The following TRABD2B variants were observed in gnomAD, a reference collection of about 807,000 sequenced individuals.
TRABD2B encodes the protein TraB domain containing 2B.
TRABD2B carries 14 observed loss-of-function variants against 40.1 expected under a neutral mutation model. The ratio of observed to expected loss-of-function variants is 0.35; its 90% CI spans 0.23 to 0.55. The LOEUF (loss-of-function observed/expected upper bound fraction) is 0.55, where lower values mean the gene tolerates loss of function less well. Among genes scored for constraint, TRABD2B ranks in the 20% least tolerant of loss-of-function variants. The pLI, the probability that TRABD2B is intolerant of heterozygous loss-of-function variation, is 0.90. For synonymous variants in TRABD2B, 263 were observed against 277.0 expected (o/e 0.95, Z 0.50); for missense variants, 541 against 648.6 (o/e 0.83, Z 1.80).
intron 4 of TRABD2B, among the ~76,000 whole-genome samples, chr1:47,779,726 C>T (rs1234539666): frequency 1.3e-5 from 2 of 152,118 alleles, no homozygotes; most frequent in African/African-American, 4.8e-5. Context: ...CATGGGCCTG[C>T]CCTGTGGCTG....
intron 2 of TRABD2B, among the ~76,000 whole-genome samples, chr1:47,983,810 T>C (rs548393779): frequency 1.3e-5 from 2 of 151,410 alleles, no homozygotes; most frequent in Admixed American, 1.3e-4. Context: ...GAAGTGTCCT[T>C]GTTGGGGACG....
Position 47,994,099 on chromosome 1 carries a change from T to C in TRABD2B, c.601A>G (p.Thr201Ala). Residue 201 changes from threonine to alanine, a missense_variant, in exon 2 of 7, where the codon ACA becomes GCA. Physicochemically the swap from Thr to Ala is moderately conservative, Grantham distance 58 (BLOSUM62 0). Around this residue, in one of 2 missense-constraint regions of TRABD2B, gnomAD observed 369 missense variants for 492.8 expected, o/e 0.75. Coordinates refer to ENST00000606738, the MANE Select transcript of TRABD2B (RefSeq NM_001194986.2). This position sits in a 1 kb window ranked among gnomAD's most constrained non-coding sequence, Gnocchi z 6.7. ...TCCTCCACCTGCTCCACAGCCCCTGTGGTCTTCTTCATCTTCTCAGCCTGC... is the reference window on the plus strand; with the variant it reads ...TCCTCCACCTGCTCCACAGCCCCTGCGGTCTTCTTCATCTTCTCAGCCTGC... ...AQQAEKMKKT[T>A]GAVEQVEEQC... is the part of the protein sequence containing the mutation. The C allele has an allele frequency of 6.5e-7, 1 of 1,536,268 alleles. No individual in the cohort carries two copies.
chr1:47,922,470 C>A (rs962092931), intron 2 of TRABD2B, among the ~76,000 whole-genome samples: 1 of 152,176 alleles, frequency 6.6e-6, no homozygotes, highest in African/African-American at 2.4e-5. Context: ...TCAGCCCACA[C>A]AGAATCTAGC....
chr1:47,940,671 A>T (rs1645173568), intron 2 of TRABD2B, among the ~76,000 whole-genome samples: 1 of 152,174 alleles, frequency 6.6e-6, no homozygotes, highest in South Asian at 2.1e-4. Flanking sequence ...CTCTGTCCCC[A>T]TCTGCCAGGG....
At position 47,775,394 on chromosome 1, in the gene TRABD2B, C is replaced by T. The variant is rs376755258; in HGVS notation, c.1125G>A (p.Thr375=). 18 of 1,236,366 alleles carry T rather than the reference C, an allele frequency of 1.5e-5. No homozygotes were observed. Among genetic ancestry groups the T allele is most frequent in the East Asian group, 3.2e-5 (1 of 31,730 alleles). The allele number at this position is 1,236,366 out of a possible 1,614,324, so 76.6% of individuals were successfully genotyped here. A position where few individuals can be genotyped will look rare whatever the true frequency, so the allele number is the denominator to read the frequency against. Residue 375 remains threonine (T), a synonymous_variant, in exon 6 of 7, where the codon ACG becomes ACA. Transcript: ENST00000606738. ...SPAPSPEGTS[T]SPAPVTPAAA... is the part of the protein sequence containing the mutation. The stretch of plus-strand genomic sequence containing the variant: ...CAGCTGGGGTCACTGGGGCCGGGCT[C>T]GTCGAGGTCCCCTCAGGAGAGGGCG...
At chr1:47,976,607 A>T (rs1378000254) in intron 2 of TRABD2B, among the ~76,000 whole-genome samples, 1 of 152,228 alleles carries the variant, frequency 6.6e-6, no homozygotes, top group Non-Finnish European at 1.5e-5. Context: ...GACAGGTGCT[A>T]TGGTAGAAAA....
chr1:47,885,119 T>C (rs558899980), intron 2 of TRABD2B, among the ~76,000 whole-genome samples: 1 of 152,282 alleles, frequency 6.6e-6, no homozygotes, highest in East Asian at 1.9e-4. Flanking sequence ...TCTTGCTTCA[T>C]ACTCTAACCC....
intron 2 of TRABD2B, among the ~76,000 whole-genome samples, chr1:47,806,833 T>C (rs890996459): frequency 6.6e-6 from 1 of 152,138 alleles, no homozygotes; most frequent in Non-Finnish European, 1.5e-5. Context: ...GGCCCAGCAA[T>C]GGCACTGAGA....
In TRABD2B at chr1:47,996,067, T is replaced by C. The variant is rs1181563272; in HGVS notation, c.102+621A>G. Reference sequence around the variant, plus strand: ...GTAATTACTCGACCCCAAGAAATATTAGGCCAGTATGTCCTGGCATTGCCT... The same window carrying C: ...GTAATTACTCGACCCCAAGAAATATCAGGCCAGTATGTCCTGGCATTGCCT... On this transcript the variant is annotated intron_variant, in intron 1 of 6. Transcript: ENST00000606738. This position sits in a 1 kb window ranked among gnomAD's most constrained non-coding sequence, Gnocchi z 4.6. 6.6e-6 allele frequency among the ~76,000 whole-genome samples: 1 copy of C among 152,184 alleles called. No homozygotes were observed. Among genetic ancestry groups the C allele is most frequent in the African/African-American group, 2.4e-5 (1 of 41,436 alleles).
chr1:47,804,230 G>A (rs1049607458), intron 2 of TRABD2B, among the ~76,000 whole-genome samples: 8 of 152,312 alleles, frequency 5.3e-5, no homozygotes, highest in Non-Finnish European at 5.9e-5. Flanking sequence ...GGCTCTGGCC[G>A]CCACCATTGA....
intron 2 of TRABD2B, among the ~76,000 whole-genome samples, chr1:47,849,714 GGCT>G (rs768537948): frequency 2.6e-5 from 4 of 152,130 alleles, no homozygotes; most frequent in Non-Finnish European, 5.9e-5. Context: ...CGGTGGGATT[GGCT>G]GCTAAGTGAG....
At chr1:47,801,443 G>C in intron 3 of TRABD2B, 30 bp downstream of exon 3, 1 of 1,530,066 alleles carries the variant, frequency 6.5e-7, no homozygotes, top group Non-Finnish European at 8.8e-7. Flanking sequence ...ATAAATGCCA[G>C]GTATCCAGGT....
At chr1:47,821,042 T>C (rs1645101905) in intron 2 of TRABD2B, among the ~76,000 whole-genome samples, 1 of 152,168 alleles carries the variant, frequency 6.6e-6, no homozygotes, top group African/African-American at 2.4e-5. Flanking sequence ...TGCCCCTGTC[T>C]GGGTTCCCCT....
In TRABD2B at chr1:47,858,284, G is replaced by T. The variant is rs1165015158; in HGVS notation, c.667-56665C>A. ...TTTTATTTTATTTTTTTGAGACAGG[G>T]TCTTGCTCCATCACCCAGGCTGGTG... On this transcript the variant is annotated intron_variant, in intron 2 of 6. Transcript: ENST00000606738. 2.0e-5 allele frequency among the ~76,000 whole-genome samples: 3 copies of T among 148,394 alleles called. No individual in the cohort carries two copies. The Admixed American group carries it at 2.0e-4, about 10-fold the overall frequency.
intron 2 of TRABD2B, among the ~76,000 whole-genome samples, chr1:47,839,257 C>G (rs1645361735): frequency 6.6e-6 from 1 of 152,140 alleles, no homozygotes; most frequent in African/African-American, 2.4e-5. Context: ...GCCTGACACA[C>G]ACACCCGTGA....
intron 2 of TRABD2B, among the ~76,000 whole-genome samples, chr1:47,842,363 C>T (rs1291771520): frequency 3.3e-5 from 5 of 152,118 alleles, no homozygotes; most frequent in Admixed American, 3.3e-4. Context: ...GCTCACCTTG[C>T]CTCAGGGCAG....
intron 6 of TRABD2B, among the ~76,000 whole-genome samples, chr1:47,772,743 G>C (rs570460585): frequency 6.6e-6 from 1 of 152,278 alleles, no homozygotes; most frequent in Admixed American, 6.5e-5. Flanking sequence ...GACTGCAGGA[G>C]GGTGGGATGA....
chr1:47,902,455 T>C (rs1284283256), intron 2 of TRABD2B, among the ~76,000 whole-genome samples: 1 of 152,156 alleles, frequency 6.6e-6, no homozygotes, highest in Non-Finnish European at 1.5e-5. Flanking sequence ...ACAGTGGCTC[T>C]ATACTCTAAG....
chr1:47,817,206 C>T (rs973940359), intron 2 of TRABD2B, among the ~76,000 whole-genome samples: 7 of 150,138 alleles, frequency 4.7e-5, no homozygotes, highest in African/African-American at 1.2e-4. Context: ...TGTTTTCCAT[C>T]CCCCCCAACA....
Sources: gnomAD v4.1 joint callset for allele counts (sites outside exome capture counted in the v4.1 genomes callset) on GRCh38, gnomAD v4.1.1 for gene constraint, gnomAD v4.1.1 regional missense constraint, Gnocchi (gnomAD v3.1) non-coding constraint, MANE v1.5 for transcripts, NCBI Gene and HGNC (gene_info 2026-07-23, HGNC 2026-07-21) for gene names.